The following MATN2 variants were observed in gnomAD, a reference collection of about 807,000 sequenced individuals.
MATN2 encodes the protein matrilin 2.
In MATN2, 69 loss-of-function variants were observed where a neutral mutation model predicts 103.2. The observed-to-expected ratio is 0.67, with a 90% CI of 0.55 to 0.82. The LOEUF (loss-of-function observed/expected upper bound fraction) is 0.82, where lower values mean the gene tolerates loss of function less well. Among genes scored for constraint, MATN2 ranks in the 40% least tolerant of loss-of-function variants. MATN2 has a pLI of 0.00. For missense variants in MATN2, 1,023 were observed against 1,211.5 expected (o/e 0.84, Z 2.31); for synonymous variants, 429 against 450.2 (o/e 0.95, Z 0.60).
At chr8:97,977,673 C>G (rs1241878425) in intron 5 of MATN2, among the ~76,000 whole-genome samples, 1 of 152,152 alleles carries the variant, frequency 6.6e-6, no homozygotes, top group African/African-American at 2.4e-5. Context: ...ACTCCCAACT[C>G]ATTCAGACTA....
intron 5 of MATN2, among the ~76,000 whole-genome samples, chr8:97,973,921 G>C (rs1811746959): frequency 6.6e-6 from 1 of 151,990 alleles, no homozygotes; most frequent in Non-Finnish European, 1.5e-5. Context: ...CTTTAAATTG[G>C]AACAAGGATT....
intron 2 of MATN2, among the ~76,000 whole-genome samples, chr8:97,921,908 C>T (rs1809823273): frequency 6.6e-6 from 1 of 152,216 alleles, no homozygotes; most frequent in South Asian, 2.1e-4. Context: ...CTGTTAGGAA[C>T]CAGGCCGCAC....
intron 2 of MATN2, among the ~76,000 whole-genome samples, chr8:97,914,859 C>A (rs573439538): frequency 5.9e-5 from 9 of 152,332 alleles, no homozygotes; most frequent in Admixed American, 4.6e-4. Flanking sequence ...TGGTCAACAC[C>A]TGCTCACCTT....
chr8:97,994,695 T>C lies in MATN2; in HGVS notation c.1204+93T>C. On this transcript the variant is annotated intron_variant, in intron 7 of 18. Coordinates refer to ENST00000254898, the MANE Select transcript of MATN2 (RefSeq NM_002380.5). Reference sequence around the variant, plus strand: ...CGTGCAAATCTTAAGCAAGATGTGCTTGTATTCAGCATTGTGTCTATTAAC... The same window carrying C: ...CGTGCAAATCTTAAGCAAGATGTGCCTGTATTCAGCATTGTGTCTATTAAC... 4.4e-6 allele frequency: 6 copies of C among 1,358,554 alleles called. No homozygotes were observed. In the South Asian group the frequency reaches 7.0e-5, roughly 16 times the overall value. The allele number at this position is 1,358,554 out of a possible 1,614,324, so 84.2% of individuals were successfully genotyped here. A position where few individuals can be genotyped will look rare whatever the true frequency, so the allele number is the denominator to read the frequency against.
chr8:98,034,636 T>C (rs1320722670), intron 18 of MATN2, among the ~76,000 whole-genome samples: 1 of 152,146 alleles, frequency 6.6e-6, no homozygotes, highest in East Asian at 1.9e-4. Flanking sequence ...AATGCCCTTT[T>C]CTTCTCGCTT....
intron 13 of MATN2, among the ~76,000 whole-genome samples, chr8:98,026,490 A>C (rs1813812835): frequency 1.3e-5 from 2 of 151,982 alleles, no homozygotes; most frequent in African/African-American, 4.8e-5. Context: ...TCCTGTGCTC[A>C]AGCCATCCTC....
intron 2 of MATN2, among the ~76,000 whole-genome samples, chr8:97,923,702 G>A (rs2444899): frequency 0.66 from 100,113 of 151,862 alleles, 33,696 homozygotes; most frequent in East Asian, 0.94. Context: ...GATAACAGGC[G>A]CCTGCCACCA....
intron 1 of MATN2, among the ~76,000 whole-genome samples, chr8:97,869,678 G>A (rs900466812): frequency 2.0e-4 from 31 of 152,348 alleles, no homozygotes; most frequent in Admixed American, 1.6e-3. Flanking sequence ...ACGGACAGCC[G>A]ATGGCTCCCC....
chr8:97,927,928 G>A (rs1175771398), intron 2 of MATN2, among the ~76,000 whole-genome samples: 1 of 152,204 alleles, frequency 6.6e-6, no homozygotes, highest in Non-Finnish European at 1.5e-5. Flanking sequence ...AGTCTTGTGT[G>A]AATTTCCCTC....
At chr8:97,892,985 G>A (rs1382031381) in intron 2 of MATN2, among the ~76,000 whole-genome samples, 1 of 152,162 alleles carries the variant, frequency 6.6e-6, no homozygotes, top group African/African-American at 2.4e-5. Flanking sequence ...CCAGACAGGT[G>A]GTCTGAGCTG....
At position 98,007,209 on chromosome 8, in the gene MATN2, G is replaced by C. The variant is rs1169120068; in HGVS notation, c.1432G>C (p.Asp478His). ...QCSEGFLINE[D>H]LKTCSRVDYC... ...CTCAGAAGGCTTCCTCATCAACGAG[G>C]ACCTCAAGACCTGCTCCCGTGAGTC... The change falls in exon 9 of 19, where the codon GAC (aspartate) becomes CAC (histidine). Residue 478 changes from aspartate (D) to histidine (H), a missense_variant. By Grantham distance (81) the Asp-to-His change is moderately conservative. Transcript: ENST00000254898. This position sits in a 1 kb window ranked among gnomAD's most constrained non-coding sequence, Gnocchi z 4.2. 6.2e-7 allele frequency: 1 copy of C among 1,613,804 alleles called. No homozygotes were observed. Among genetic ancestry groups the C allele is most frequent in the Non-Finnish European group, 8.5e-7 (1 of 1,179,890 alleles).
At chr8:97,883,284 CAAAAAA>C (rs149466404) in intron 1 of MATN2, among the ~76,000 whole-genome samples, 2 of 115,184 alleles carry the variant, frequency 1.7e-5, no homozygotes, top group African/African-American at 3.3e-5. Flanking sequence ...GACTCTGTCT[CAAAAAA>C]AAAAAAAAAA....
chr8:97,994,283 A>G (rs1027014473), intron 6 of MATN2, among the ~76,000 whole-genome samples, 197 bp from the exon 7 acceptor site: 2 of 148,532 alleles, frequency 1.3e-5, no homozygotes, highest in African/African-American at 5.0e-5. Flanking sequence ...AGAAGGAAAG[A>G]AGGAGAAGAA....
At chr8:97,880,925 T>A (rs1818234496) in intron 1 of MATN2, among the ~76,000 whole-genome samples, 1 of 152,052 alleles carries the variant, frequency 6.6e-6, no homozygotes, top group African/African-American at 2.4e-5. Flanking sequence ...GCCTGAGAGG[T>A]GCCAGGGTAG....
At chr8:97,896,437 G>A (rs1480972388) in intron 2 of MATN2, among the ~76,000 whole-genome samples, 1 of 152,220 alleles carries the variant, frequency 6.6e-6, no homozygotes. Context: ...GGAAGCCAAG[G>A]AAGGAGAAGT....
intron 4 of MATN2, among the ~76,000 whole-genome samples, chr8:97,953,330 T>C (rs1811024144): frequency 6.6e-6 from 1 of 152,156 alleles, no homozygotes; most frequent in Admixed American, 6.5e-5. Context: ...ACTTTTCTTT[T>C]CCCCCTTGAT....
rs545755079 is a variant in MATN2 at position 97,930,214 on chromosome 8, C to T, written c.143-739C>T. Reference sequence around the variant, plus strand: ...TGTCAGGACGACACAGTTTTCATGCCAGTTATTCTTTCATGGTTTTATTAG... The same window carrying T: ...TGTCAGGACGACACAGTTTTCATGCTAGTTATTCTTTCATGGTTTTATTAG... On this transcript the variant is annotated intron_variant, in intron 2 of 18. Transcript: ENST00000254898. Among the ~76,000 whole-genome samples the T allele has an allele frequency of 1.4e-4, 21 of 152,298 alleles. No homozygotes were observed. The South Asian group carries it at 4.2e-3, about 30-fold the overall frequency.
chr8:98,007,056 G>C lies in MATN2; in HGVS notation c.1328-49G>C. ...GTTTTTGAATCTTGGTTGCTGGTGG[G>C]GTATTGCCCCCTCGGCTCCTCTATG... On this transcript the variant is annotated intron_variant, in intron 8 of 18. Transcript: ENST00000254898. The surrounding 1 kb of genome is among the most constrained non-coding windows in gnomAD (Gnocchi z 4.2). 5.8e-6 allele frequency: 9 copies of C among 1,548,028 alleles called. No homozygotes were observed. Among genetic ancestry groups the C allele is most frequent in the Non-Finnish European group, 7.9e-6 (9 of 1,141,314 alleles).
At position 97,931,543 on chromosome 8, in the gene MATN2, A is replaced by T; in HGVS notation, c.712+21A>T. ...GTGCAGTAAGTCCTGCTCCTTTGTC[A>T]CTCTTCTAGAGGAACCACTAGAATT... On this transcript the variant is annotated intron_variant, in intron 3 of 18. Coordinates refer to ENST00000254898, the MANE Select transcript of MATN2 (RefSeq NM_002380.5). This position sits in a 1 kb window ranked among gnomAD's most constrained non-coding sequence, Gnocchi z 4.1. The T allele has an allele frequency of 6.4e-7, 1 of 1,569,866 alleles. No homozygotes were observed. Among genetic ancestry groups the T allele is most frequent in the Non-Finnish European group, 8.6e-7 (1 of 1,160,222 alleles).
Sources: gnomAD v4.1 joint callset for allele counts (sites outside exome capture counted in the v4.1 genomes callset) on GRCh38, gnomAD v4.1.1 for gene constraint, Gnocchi (gnomAD v3.1) non-coding constraint, MANE v1.5 for transcripts, NCBI Gene and HGNC (gene_info 2026-07-23, HGNC 2026-07-21) for gene names.